The following CACNA1G variants were observed in gnomAD, a reference collection of about 807,000 sequenced individuals.
The protein encoded by CACNA1G is voltage-dependent T-type calcium channel subunit alpha-1G.
Under a neutral mutation model 219.4 loss-of-function variants are expected in CACNA1G, and 67 were observed. The observed-to-expected ratio is 0.31, with a 90% confidence interval of 0.25 to 0.37. CACNA1G has a LOEUF of 0.37. Among genes scored for constraint, CACNA1G ranks in the 10% least tolerant of loss-of-function variants. The pLI is 1.00. For synonymous variants in CACNA1G, 1,296 were observed against 1,345.3 expected, an observed-to-expected ratio of 0.96 and a Z score of 0.80; for missense variants, 2,380 against 3,231.4, an observed-to-expected ratio of 0.74 and a Z score of 6.39.
intron 9 of CACNA1G, among the ~76,000 whole-genome samples, chr17:50,588,720 A>G (rs1006081662): frequency 7.3e-5 from 11 of 151,500 alleles, no homozygotes; most frequent in African/African-American, 2.7e-4. Context: ...CACGACAGCC[A>G]CTCCCCCTCT....
In CACNA1G at chr17:50,576,137, G is replaced by T; in HGVS notation, c.1735G>T (p.Ala579Ser). 1 of 1,606,590 alleles carries T rather than the reference G, an allele frequency of 6.2e-7. No individual in the cohort carries two copies. The highest frequency in any genetic ancestry group is 8.5e-7 in the Non-Finnish European group (1 of 1,177,292). ...QAPPPRSPSE[A>S]SGRTVGSGKV... ...GCCCCCTCCCAGGTCCCCATCTGAGGCATCCGGCAGGACTGTGGGCAGCGG... is the reference window on the plus strand; with the variant it reads ...GCCCCCTCCCAGGTCCCCATCTGAGTCATCCGGCAGGACTGTGGGCAGCGG... The change falls in exon 8 of 38, where the codon GCA becomes TCA. Residue 579 changes from alanine to serine, a missense_variant. This residue lies in a region of CACNA1G where 434 missense variants were observed against 417.3 expected (regional missense o/e 1.04). Transcript: ENST00000359106.
intron 5 of CACNA1G, 109 bp from the exon 6 acceptor site, chr17:50,572,445 C>A: frequency 1.1e-6 from 1 of 946,138 alleles, no homozygotes; most frequent in Non-Finnish European, 1.5e-6. Flanking sequence ...TGGTTCTGCC[C>A]TGCTCACCCT....
In CACNA1G at chr17:50,605,890, G is replaced by T; in HGVS notation, c.4297-8G>T. On this transcript the variant is annotated splice_polypyrimidine_tract_variant and splice_region_variant and intron_variant, in intron 22 of 37. Coordinates refer to ENST00000359106, the MANE Select transcript of CACNA1G (RefSeq NM_018896.5). ...CACTTTTCTCTGTCTCTGGGAATGT[G>T]TGTCCAGCTCTTCAAAGGGAAGTTT... is the stretch of plus-strand genomic sequence containing the variant. The T allele has an allele frequency of 5.6e-6, 9 of 1,613,108 alleles. No individual in the cohort carries two copies. Among genetic ancestry groups the T allele is most frequent in the Non-Finnish European group, 7.6e-6 (9 of 1,179,882 alleles).
In CACNA1G at chr17:50,578,206, G is replaced by A; in HGVS notation, c.1943G>A (p.Cys648Tyr). The change falls in exon 9 of 38, where the codon TGC (cysteine) becomes TAC (tyrosine). Residue 648 changes from cysteine to tyrosine, a missense_variant. Cys to Tyr is a radical substitution (Grantham distance 194). Coordinates refer to ENST00000359106, the MANE Select transcript of CACNA1G (RefSeq NM_018896.5). The surrounding 1 kb of genome is among the most constrained non-coding windows in gnomAD (Gnocchi z 4.5). Reference sequence around the variant, plus strand: ...GTTCCAGGTGCCTGCCAAAGCTCTTGCAAGATCTCCAGCCCTTGCTTGAAA... The same window carrying A: ...GTTCCAGGTGCCTGCCAAAGCTCTTACAAGATCTCCAGCCCTTGCTTGAAA... ...TQSTGACQSS[C>Y]KISSPCLKAD... 1 of 1,584,610 alleles carries A rather than the reference G, an allele frequency of 6.3e-7. No homozygotes were observed. Among genetic ancestry groups the A allele is most frequent in the Non-Finnish European group, 8.6e-7 (1 of 1,163,308 alleles).
chr17:50,601,263 C>A, intron 19 of CACNA1G, 89 bp downstream of exon 19: 2 of 1,506,204 alleles, frequency 1.3e-6, no homozygotes, highest in Non-Finnish European at 1.8e-6. Context: ...CAGTTGCTGA[C>A]CTGCAAGTCA....
rs374153831 is a variant in CACNA1G, at chr17:50,596,544, G to A, written c.2980-18G>A. The A allele has an allele frequency of 6.8e-5, 110 of 1,611,372 alleles. No individual in the cohort carries two copies. Among genetic ancestry groups the A allele is most frequent in the African/African-American group, 9.3e-5 (7 of 74,996 alleles). ...AGCCTGGCCGGATCCCTAATGGTCC[G>A]CTGCTCCCCTGCCCTAGGGAGATGC... On this transcript the variant is annotated intron_variant, in intron 14 of 37. Transcript: ENST00000359106. This position sits in a 1 kb window ranked among gnomAD's most constrained non-coding sequence, Gnocchi z 4.8.
At chr17:50,611,127 G>A (rs988888208) in intron 26 of CACNA1G, among the ~76,000 whole-genome samples, 8 of 151,978 alleles carry the variant, frequency 5.3e-5, no homozygotes, top group South Asian at 2.1e-4. Context: ...GGTGGCATAC[G>A]CCTGTAATCC....
Position 50,596,896 on chromosome 17 carries a change from T to G in CACNA1G, c.3231T>G (p.Pro1077=). The G allele has an allele frequency of 6.4e-7, 1 of 1,573,108 alleles. No homozygotes were observed. The part of the protein sequence containing the change: ...RRTSSSGSAE[P]GAAHEMKSPP... ...CCAGCAGCAGCGGGTCGGCAGAGCCTGGGGCGGCCCACGAGATGAAGTCAC... is the reference window on the plus strand; with the variant it reads ...CCAGCAGCAGCGGGTCGGCAGAGCCGGGGGCGGCCCACGAGATGAAGTCAC... The change falls in exon 16 of 38, where the codon CCT becomes CCG. Residue 1077 remains proline, a synonymous_variant. Transcript: ENST00000359106. This position sits in a 1 kb window ranked among gnomAD's most constrained non-coding sequence, Gnocchi z 4.8.
Position 50,618,846 on chromosome 17 carries a change from G to A in CACNA1G, c.5619G>A (p.Leu1873=). 1 of 1,613,674 alleles carries A rather than the reference G, an allele frequency of 6.2e-7. No individual in the cohort carries two copies. The highest frequency in any genetic ancestry group is 8.5e-7 in the Non-Finnish European group (1 of 1,179,864). The change falls in exon 33 of 38, where the codon CTG becomes CTA. Residue 1873 remains leucine (L), a synonymous_variant. Coordinates refer to ENST00000359106, the MANE Select transcript of CACNA1G (RefSeq NM_018896.5). This position sits in a 1 kb window ranked among gnomAD's most constrained non-coding sequence, Gnocchi z 5.3. ...EEAELEAELE[L]EMKTLSPQPH... is the part of the protein sequence containing the mutation. ...CCGAGCTAGAGGCTGAGCTGGAGCT[G>A]GAGATGAAGACCCTCAGCCCCCAGC...
intron 8 of CACNA1G, among the ~76,000 whole-genome samples, chr17:50,577,478 A>G (rs947035207): frequency 2.7e-5 from 4 of 148,938 alleles, no homozygotes; most frequent in African/African-American, 1.0e-4. Flanking sequence ...GTCTATGTCC[A>G]TGAAGGGGTC....
chr17:50,610,320 A>T (rs1445051191), intron 26 of CACNA1G, among the ~76,000 whole-genome samples: 1 of 152,212 alleles, frequency 6.6e-6, no homozygotes, highest in Admixed American at 6.5e-5. Context: ...AGGGAGCAGG[A>T]TGAGAGGAGC....
intron 9 of CACNA1G, among the ~76,000 whole-genome samples, chr17:50,590,051 G>A (rs922303099): frequency 2.6e-5 from 4 of 152,128 alleles, no homozygotes; most frequent in Non-Finnish European, 5.9e-5. Flanking sequence ...CTTGACGACC[G>A]GGTGTGCCTG....
intron 35 of CACNA1G, among the ~76,000 whole-genome samples, 194 bp from the exon 36 acceptor site, chr17:50,623,713 C>T (rs114783780): frequency 1.8e-3 from 268 of 152,242 alleles, no homozygotes; most frequent in African/African-American, 5.9e-3. Flanking sequence ...GCTTCCTCCC[C>T]GCGTGTGGAG....
Position 50,573,167 on chromosome 17 carries a change from G to T in CACNA1G, c.1140+54G>T. 3 of 1,327,790 alleles carry T rather than the reference G, an allele frequency of 2.3e-6. No individual in the cohort carries two copies. The Admixed American group carries it at 5.9e-5, about 26-fold the overall frequency. 82.3% of individuals were successfully genotyped at this position (1,327,790 alleles called of 1,614,324 possible). A position where few individuals can be genotyped will look rare whatever the true frequency, so the allele number is the denominator to read the frequency against. On this transcript the variant is annotated intron_variant, in intron 7 of 37. Transcript: ENST00000359106. ...ATGGGCGATCCTGGGGACACCTGTG[G>T]GGGCAGTCCAGAGAGGGGATAGTTT...
intron 22 of CACNA1G, among the ~76,000 whole-genome samples, chr17:50,605,385 T>C (rs1198154538): frequency 6.6e-6 from 1 of 152,176 alleles, no homozygotes; most frequent in Admixed American, 6.5e-5. Flanking sequence ...CCGTTGTTCT[T>C]ATCTGTAAAG....
At chr17:50,575,215 G>A (rs1223997832) in intron 7 of CACNA1G, among the ~76,000 whole-genome samples, 1 of 152,164 alleles carries the variant, frequency 6.6e-6, no homozygotes, top group African/African-American at 2.4e-5. Context: ...TTTAGGGACA[G>A]GGAATTTGAG....
At chr17:50,614,725 G>A (rs1188397048) in intron 26 of CACNA1G, among the ~76,000 whole-genome samples, 1 of 152,228 alleles carries the variant, frequency 6.6e-6, no homozygotes, top group African/African-American at 2.4e-5. Context: ...GGCCCTCCCA[G>A]CTTGAGTCTG....
chr17:50,592,713 G>A (rs148939920), intron 13 of CACNA1G, among the ~76,000 whole-genome samples: 2 of 152,262 alleles, frequency 1.3e-5, no homozygotes, highest in African/African-American at 4.8e-5. Context: ...TGCCCAGAGG[G>A]CTGCACCCCC....
chr17:50,576,298 G>A lies in CACNA1G; in HGVS notation c.1896G>A (p.Met632Ile). The A allele has an allele frequency of 6.3e-7, 1 of 1,578,058 alleles. No homozygotes were observed. The highest frequency in any genetic ancestry group is 1.2e-5 in the South Asian group (1 of 86,152). Residue 632 changes from methionine to isoleucine, a missense_variant, in exon 8 of 38, where the codon ATG becomes ATA. Transcript: ENST00000359106. Reference sequence around the variant, plus strand: ...TCCCACCCGGGCCCTACAGCTCCATGCACAAGCTGCTGGAGACACAGAGTA... The same window carrying A: ...TCCCACCCGGGCCCTACAGCTCCATACACAAGCTGCTGGAGACACAGAGTA... The part of the protein sequence containing the change: ...LNIPPGPYSS[M>I]HKLLETQSTG...
Sources: allele counts gnomAD v4.1 joint callset (sites outside exome capture counted in the v4.1 genomes callset), GRCh38; gene constraint gnomAD v4.1.1; regional missense constraint gnomAD v4.1.1; non-coding constraint Gnocchi (gnomAD v3.1); transcripts MANE v1.5; gene names NCBI Gene and HGNC (gene_info 2026-07-23, HGNC 2026-07-21).